SARDH: variants seen among roughly 807,000 people sequenced by gnomAD.
SARDH encodes the protein sarcosine dehydrogenase.
A neutral mutation model predicts 109.1 loss-of-function variants in SARDH; 95 were observed. The ratio of observed to expected loss-of-function variants is 0.87; its 90% CI spans 0.74 to 1.03. The LOEUF is 1.03. SARDH is among the 50% of genes least tolerant of loss of function. The pLI, the probability that SARDH is intolerant of heterozygous loss-of-function variation, is 0.00. For synonymous variants in SARDH, 572 were observed against 534.8 expected, an observed-to-expected ratio of 1.07 and a Z score of -0.96; for missense variants, 1,267 against 1,287.8, an observed-to-expected ratio of 0.98 and a Z score of 0.25.
intron 13 of SARDH, among the ~76,000 whole-genome samples, chr9:133,699,163 A>G (rs1044906195): frequency 1.1e-4 from 16 of 152,212 alleles, no homozygotes; most frequent in Non-Finnish European, 1.6e-4. Context: ...CCTGACCAAC[A>G]TGGAGAAACC....
intron 8 of SARDH, 151 bp from the exon 9 acceptor site, chr9:133,713,275 C>G: frequency 1.5e-6 from 1 of 649,090 alleles, no homozygotes; most frequent in Non-Finnish European, 2.7e-6. Flanking sequence ...GCGCCACTTC[C>G]TCATGGGGGC....
chr9:133,705,792 T>C (rs1831673677), intron 11 of SARDH, among the ~76,000 whole-genome samples: 1 of 152,222 alleles, frequency 6.6e-6, no homozygotes, highest in Non-Finnish European at 1.5e-5. Context: ...CTGACGTGAC[T>C]CTATTTGGAG....
At position 133,705,700 on chromosome 9, in the gene SARDH, T is replaced by C. The variant is rs894865035; in HGVS notation, c.1471-669A>G. Among the ~76,000 whole-genome samples the C allele has an allele frequency of 3.3e-5, 5 of 152,190 alleles. No homozygotes were observed. In the South Asian group the frequency reaches 1.0e-3, roughly 32 times the overall value. ...CACCTGCCCTGATCTGCCTTGGCCCTGAGAACCCCCATCTGTAGAATTACC... is the reference window on the plus strand; with the variant it reads ...CACCTGCCCTGATCTGCCTTGGCCCCGAGAACCCCCATCTGTAGAATTACC... On this transcript the variant is annotated intron_variant, in intron 11 of 20. Transcript: ENST00000439388.
intron 13 of SARDH, among the ~76,000 whole-genome samples, chr9:133,697,163 G>A (rs1054357815): frequency 2.0e-5 from 3 of 152,078 alleles, no homozygotes; most frequent in Non-Finnish European, 2.9e-5. Context: ...AGGGAACTCC[G>A]AACACGTGTA....
intron 12 of SARDH, chr9:133,703,236 T>G: frequency 3.5e-6 from 2 of 572,698 alleles, no homozygotes; most frequent in East Asian, 5.8e-5. Flanking sequence ...GGCCGCAGGG[T>G]TGCCTGGTGG....
intron 13 of SARDH, among the ~76,000 whole-genome samples, chr9:133,698,563 C>G (rs765745271): frequency 6.6e-6 from 1 of 152,132 alleles, no homozygotes; most frequent in Non-Finnish European, 1.5e-5. Flanking sequence ...CAGTGAGGTA[C>G]TAAATAAGAA....
In SARDH at chr9:133,728,013, C is replaced by T. The variant is rs547412259; in HGVS notation, c.915+1752G>A. Among the ~76,000 whole-genome samples, 7 of 152,210 alleles carry T rather than the reference C, an allele frequency of 4.6e-5. No individual in the cohort carries two copies. Among genetic ancestry groups the T allele is most frequent in the South Asian group, 4.2e-4 (2 of 4,816 alleles). On this transcript the variant is annotated intron_variant, in intron 6 of 20. Coordinates refer to ENST00000439388, the MANE Select transcript of SARDH (RefSeq NM_001134707.2). The surrounding 1 kb of genome is among the most constrained non-coding windows in gnomAD (Gnocchi z 5.0). The stretch of plus-strand genomic sequence containing the variant: ...ACTGAGACCTGAGCGTGACCCCTGG[C>T]GGCCACCTAGGGGAGGAGGCTCTCC...
At position 133,695,394 on chromosome 9, in the gene SARDH, G is replaced by A. The variant is rs140026638; in HGVS notation, c.1807+829C>T. On this transcript the variant is annotated intron_variant, in intron 14 of 20. Coordinates refer to ENST00000439388, the MANE Select transcript of SARDH (RefSeq NM_001134707.2). ...GGAGGCGGAGGTTGCAGTGAGCTGA[G>A]ATCGCGCCATTGCACTCCAGCCTGA... Among the ~76,000 whole-genome samples, 1,158 of 152,340 alleles carry A rather than the reference G, an allele frequency of 7.6e-3. 4 individuals carry two copies. The highest frequency in any genetic ancestry group is 0.012 in the Non-Finnish European group (787 of 68,020).
intron 19 of SARDH, among the ~76,000 whole-genome samples, chr9:133,669,576 T>C (rs1192094557): frequency 6.6e-6 from 1 of 151,714 alleles, no homozygotes; most frequent in African/African-American, 2.4e-5. Flanking sequence ...GAATCCAAAC[T>C]CTCCCAGTAG....
At chr9:133,726,535 G>T (rs1261013343) in intron 6 of SARDH, among the ~76,000 whole-genome samples, 1 of 152,078 alleles carries the variant, frequency 6.6e-6, no homozygotes, top group African/African-American at 2.4e-5. Context: ...TGTCCCAGCA[G>T]GATCCATGTC....
intron 3 of SARDH, 24 bp from the exon 4 acceptor site, chr9:133,731,508 A>T (rs1832681271): frequency 1.2e-6 from 2 of 1,612,052 alleles, no homozygotes; most frequent in Admixed American, 3.3e-5. Context: ...GGGGAGGTTA[A>T]CTGAGTCCGT....
At chr9:133,670,437 T>G in intron 19 of SARDH, 147 bp downstream of exon 19, 1 of 815,066 alleles carries the variant, frequency 1.2e-6, no homozygotes. Flanking sequence ...TTATCTGCAG[T>G]GGGCTGTTGG....
At chr9:133,734,436 T>TTCAC (rs1232542949) in intron 1 of SARDH, among the ~76,000 whole-genome samples, 1 of 142,552 alleles carries the variant, frequency 7.0e-6, no homozygotes, top group Admixed American at 6.8e-5. Context: ...CACTCATTCA[T>TTCAC]TCACTCATTC....
intron 17 of SARDH, among the ~76,000 whole-genome samples, chr9:133,674,296 C>T (rs561517830): frequency 3.9e-5 from 6 of 152,358 alleles, no homozygotes; most frequent in Admixed American, 6.5e-5. Context: ...CCCACTTGGC[C>T]TCAGTGCCCT....
chr9:133,710,985 C>G (rs1831897995), intron 10 of SARDH, among the ~76,000 whole-genome samples: 1 of 152,244 alleles, frequency 6.6e-6, no homozygotes. Context: ...TGTACTCCAG[C>G]TCTCAGGGGC....
chr9:133,663,259 C>G (rs1369521482), downstream of SARDH, among the ~76,000 whole-genome samples: 1 of 152,232 alleles, frequency 6.6e-6, no homozygotes, highest in African/African-American at 2.4e-5. Flanking sequence ...CTCCCTGCTT[C>G]GGCTCCTCTG....
Position 133,723,381 on chromosome 9 carries a change from C to T in SARDH, c.916-4339G>A, listed in dbSNP as rs562374825. 1.7e-3 allele frequency among the ~76,000 whole-genome samples: 253 copies of T among 152,340 alleles called. 1 individual carries two copies. The highest frequency in any genetic ancestry group is 5.8e-3 in the African/African-American group (243 of 41,580). ...AGGATTCACACTTCTTGATACCAAA[C>T]TTACTGCAAAGCTACATAATCAAGA... On this transcript the variant is annotated intron_variant, in intron 6 of 20. Coordinates refer to ENST00000439388, the MANE Select transcript of SARDH (RefSeq NM_001134707.2).
intron 17 of SARDH, among the ~76,000 whole-genome samples, chr9:133,677,406 G>A (rs1384457539): frequency 6.6e-6 from 1 of 152,182 alleles, no homozygotes; most frequent in East Asian, 1.9e-4. Flanking sequence ...GACCTCACCT[G>A]GGTGCAGCTT....
rs533474645 is a variant in SARDH at position 133,700,715 on chromosome 9, GCA to G, written c.1668+2199_1668+2200del. On this transcript the variant is annotated intron_variant, in intron 13 of 20. Transcript: ENST00000439388. ...AGATCTCAATAAAGCTGTTTTCAAA[GCA>G]CACACACACACACGCACGCGCACAC... Among the ~76,000 whole-genome samples, 614 of 139,324 alleles carry G rather than the reference GCA, an allele frequency of 4.4e-3. 9 individuals carry two copies. Among genetic ancestry groups the G allele is most frequent in the African/African-American group, 0.016 (575 of 36,892 alleles). 91.4% of individuals were successfully genotyped at this position (139,324 alleles called of 152,430 possible).
Sources: allele counts gnomAD v4.1 joint callset (sites outside exome capture counted in the v4.1 genomes callset), GRCh38; gene constraint gnomAD v4.1.1; non-coding constraint Gnocchi (gnomAD v3.1); transcripts MANE v1.5; gene names NCBI Gene and HGNC (gene_info 2026-07-23, HGNC 2026-07-21).